The following ACSF2 variants were observed in gnomAD, a reference collection of about 807,000 sequenced individuals.
ACSF2 encodes the protein medium-chain acyl-CoA ligase ACSF2, mitochondrial.
A neutral mutation model predicts 79.3 loss-of-function variants in ACSF2; 52 were observed. The ratio of observed to expected loss-of-function variants is 0.66; its 90% CI spans 0.53 to 0.83. The LOEUF (loss-of-function observed/expected upper bound fraction) is 0.83. ACSF2 is among the 40% of genes least tolerant of loss of function. ACSF2 has a pLI of 0.00. For missense variants in ACSF2, 661 were observed against 803.3 expected, an observed-to-expected ratio of 0.82 and a Z score of 2.14; for synonymous variants, 283 against 312.6, an observed-to-expected ratio of 0.91 and a Z score of 1.00.
At chr17:50,436,409 G>A (rs1258332830) in intron 1 of ACSF2, among the ~76,000 whole-genome samples, 8 of 151,940 alleles carry the variant, frequency 5.3e-5, no homozygotes, top group African/African-American at 1.4e-4. Flanking sequence ...GATTACAGGC[G>A]TGAGCCACCA....
In ACSF2 at chr17:50,473,733, G is replaced by A. The variant is rs147185476; in HGVS notation, c.1544G>A (p.Arg515Gln). The A allele has an allele frequency of 9.9e-6, 16 of 1,614,056 alleles. No individual in the cohort carries two copies. Among genetic ancestry groups the A allele is most frequent in the East Asian group, 6.7e-5 (3 of 44,904 alleles). Residue 515 changes from arginine to glutamine, a missense_variant, in exon 13 of 16, where the codon CGG becomes CAG. By Grantham distance (43) the Arg-to-Gln change is conservative (BLOSUM62 1). Transcript: ENST00000300441. ...GGCCGCTCTAAGGATATGATCATCC[G>A]GGGTGGTGAGAACATCTACCCCGCA... is the stretch of plus-strand genomic sequence containing the variant. ...IVGRSKDMII[R>Q]GGENIYPAEL...
In ACSF2 at chr17:50,462,199, CT is replaced by C; in HGVS notation, c.525del (p.Val176CysfsTer15). 6.2e-7 allele frequency: 1 copy of C among 1,613,914 alleles called. No individual in the cohort carries two copies. The highest frequency in any genetic ancestry group is 1.1e-5 in the South Asian group (1 of 91,028). On this transcript the variant is annotated frameshift_variant, in exon 5 of 16. Transcript: ENST00000300441. LOFTEE classifies it high-confidence loss of function. ...CCTTCCACAGGTGGGCTGCAAGGCCCTTGTGTTCCCCAAGCAATTCAAGACC... is the reference window on the plus strand; with the variant it reads ...CCTTCCACAGGTGGGCTGCAAGGCCCTGTGTTCCCCAAGCAATTCAAGACC... Reference protein sequence around the residue: ...YVLKKVGCKALVFPKQFKTQQ... With the variant: ...YVLKKVGCKAXVFPKQFKTQQ...
chr17:50,436,359 G>A (rs1440199923), intron 1 of ACSF2, among the ~76,000 whole-genome samples: 1 of 152,004 alleles, frequency 6.6e-6, no homozygotes, highest in African/African-American at 2.4e-5. Context: ...TCGATCTCCT[G>A]ACCTTGTGAT....
At chr17:50,461,506 C>T (rs2032323619) in intron 3 of ACSF2, 127 bp from the exon 4 acceptor site, 2 of 1,584,900 alleles carry the variant, frequency 1.3e-6, no homozygotes, top group Non-Finnish European at 1.7e-6. Context: ...CTCCTGAGGC[C>T]CACCAAGGAG....
At chr17:50,462,872 G>A (rs1338672109) in intron 6 of ACSF2, 1 of 578,218 alleles carries the variant, frequency 1.7e-6, no homozygotes, top group African/African-American at 1.9e-5. Context: ...TCATTTAGCT[G>A]ATGAGGAATC....
intron 1 of ACSF2, among the ~76,000 whole-genome samples, chr17:50,429,207 G>C (rs567624623): frequency 6.6e-6 from 1 of 152,340 alleles, no homozygotes; most frequent in African/African-American, 2.4e-5. Flanking sequence ...CTCTGAGCTA[G>C]TTAGTTCATT....
intron 1 of ACSF2, among the ~76,000 whole-genome samples, chr17:50,428,151 T>C (rs1309937180): frequency 1.3e-5 from 2 of 152,096 alleles, no homozygotes; most frequent in Non-Finnish European, 2.9e-5. Flanking sequence ...ATCATGCCAC[T>C]GCACTCTAGC....
chr17:50,460,960 G>A, intron 2 of ACSF2, 88 bp downstream of exon 2: 1 of 1,436,174 alleles, frequency 7.0e-7, no homozygotes, highest in Non-Finnish European at 9.4e-7. Context: ...TGGGCACCTG[G>A]CTATGGGGCA....
At chr17:50,451,494 G>C (rs1024667386) in intron 1 of ACSF2, among the ~76,000 whole-genome samples, 18 of 152,064 alleles carry the variant, frequency 1.2e-4, no homozygotes, top group African/African-American at 4.3e-4. Context: ...TTGTCACCCA[G>C]GCTGGAGTGC....
chr17:50,469,151 C>T (rs1445986781), intron 10 of ACSF2: 1 of 582,294 alleles, frequency 1.7e-6, no homozygotes, highest in Non-Finnish European at 2.2e-6. Context: ...CCGCCTTTCC[C>T]GGGGCTTTTC....
intron 10 of ACSF2, among the ~76,000 whole-genome samples, chr17:50,470,732 G>C (rs2033077163): frequency 6.6e-6 from 1 of 152,052 alleles, no homozygotes; most frequent in South Asian, 2.1e-4. Flanking sequence ...CACAGGCACA[G>C]ACAGGTGGCT....
Position 50,474,401 on chromosome 17 carries a change from C to T in ACSF2, c.1798-101C>T. 1 of 1,515,648 alleles carries T rather than the reference C, an allele frequency of 6.6e-7. No homozygotes were observed. The highest frequency in any genetic ancestry group is 9.1e-7 in the Non-Finnish European group (1 of 1,093,204). The allele number at this position is 1,515,648 out of a possible 1,614,324, so 93.9% of individuals were successfully genotyped here. A position where few individuals can be genotyped will look rare whatever the true frequency, so the allele number is the denominator to read the frequency against. On this transcript the variant is annotated intron_variant, in intron 15 of 15. Coordinates refer to ENST00000300441, the MANE Select transcript of ACSF2 (RefSeq NM_025149.6). The surrounding 1 kb of genome is among the most constrained non-coding windows in gnomAD (Gnocchi z 4.2). ...ACCGGGTCACCTAATCCTGGTTTGC[C>T]TGGGGACTTTCCCTGTTTTGGCACT...
chr17:50,470,022 C>T (rs1049343933), intron 10 of ACSF2: 2 of 152,304 alleles, frequency 1.3e-5, no homozygotes, highest in Admixed American at 6.5e-5. Flanking sequence ...AGCTGCCTGG[C>T]ACAGGATATT....
In ACSF2 at chr17:50,463,791, C is replaced by A; in HGVS notation, c.1047-27C>A. 1.0e-5 allele frequency: 16 copies of A among 1,606,912 alleles called. No individual in the cohort carries two copies. Among genetic ancestry groups the A allele is most frequent in the Non-Finnish European group, 1.4e-5 (16 of 1,173,788 alleles). On this transcript the variant is annotated intron_variant, in intron 8 of 15. Transcript: ENST00000300441. The surrounding 1 kb of genome is among the most constrained non-coding windows in gnomAD (Gnocchi z 4.6). ...AGGGAGTTCCCTTCCACTTCCAAGCCTAATTTCGAGACCTCCTCCTATACA... is the reference window on the plus strand; with the variant it reads ...AGGGAGTTCCCTTCCACTTCCAAGCATAATTTCGAGACCTCCTCCTATACA...
chr17:50,442,664 A>G (rs1038426001), intron 1 of ACSF2, among the ~76,000 whole-genome samples: 4 of 151,968 alleles, frequency 2.6e-5, no homozygotes, highest in Non-Finnish European at 4.4e-5. Flanking sequence ...CGGGGTCTCA[A>G]TATGTTGCTC....
chr17:50,454,817 A>T (rs2031891960), intron 1 of ACSF2, among the ~76,000 whole-genome samples: 1 of 152,156 alleles, frequency 6.6e-6, no homozygotes. Context: ...GTGAAGACAC[A>T]GGAGAAAACA....
At chr17:50,456,883 G>T (rs183535840) in intron 1 of ACSF2, among the ~76,000 whole-genome samples, 7 of 152,126 alleles carry the variant, frequency 4.6e-5, no homozygotes, top group African/African-American at 1.7e-4. Context: ...AACATAGTAA[G>T]ACTCCATCTC....
intron 1 of ACSF2, chr17:50,426,956 C>T (rs1235133832): frequency 2.0e-6 from 3 of 1,535,668 alleles, no homozygotes; most frequent in South Asian, 2.4e-5. Flanking sequence ...TTCCCAGTAG[C>T]TTCACTGCCT....
At chr17:50,451,315 G>C (rs1023943537) in intron 1 of ACSF2, among the ~76,000 whole-genome samples, 2 of 152,176 alleles carry the variant, frequency 1.3e-5, no homozygotes, top group African/African-American at 4.8e-5. Flanking sequence ...TGGGTTATAT[G>C]CTAATTCTAT....
Sources: gnomAD v4.1 joint callset for allele counts (sites outside exome capture counted in the v4.1 genomes callset) on GRCh38, gnomAD v4.1.1 for gene constraint, Gnocchi (gnomAD v3.1) non-coding constraint, MANE v1.5 for transcripts, NCBI Gene and HGNC (gene_info 2026-07-23, HGNC 2026-07-21) for gene names.